The following BACE1 variants were observed in gnomAD, a reference collection of about 807,000 sequenced individuals.
BACE1 encodes the protein APP beta-secretase.
In BACE1, 21 loss-of-function variants were observed where a neutral mutation model predicts 54.0. The observed-to-expected ratio is 0.39, with a 90% CI of 0.28 to 0.56. The LOEUF is 0.56. BACE1 is among the 20% of genes least tolerant of loss of function. The pLI is 0.63. For missense variants in BACE1, 511 were observed against 661.2 expected (o/e 0.77, Z 2.49); for synonymous variants, 232 against 260.9 (o/e 0.89, Z 1.07).
chr11:117,315,675 GCCCCAGGGGGGCGCC>G lies in BACE1; in HGVS notation c.106_120del (p.Gly36_Gly40del), dbSNP rs1208183905. ...TCGTCGGTCTCCCGGGGCAGCCGCA[GCCCCAGGGGGGCGCC>G]CCCCAGGCCGCTGCGCAGGGGCAGC... On this transcript the variant is annotated inframe_deletion, in exon 1 of 9. Coordinates refer to ENST00000313005, the MANE Select transcript of BACE1 (RefSeq NM_012104.6). The surrounding 1 kb of genome is among the most constrained non-coding windows in gnomAD (Gnocchi z 5.5). 6.5e-7 allele frequency: 1 copy of G among 1,534,670 alleles called. No homozygotes were observed. The highest frequency in any genetic ancestry group is 8.7e-7 in the Non-Finnish European group (1 of 1,143,320).
chr11:117,305,961 A>G (rs772395788), intron 1 of BACE1, among the ~76,000 whole-genome samples: 2 of 152,166 alleles, frequency 1.3e-5, no homozygotes, highest in Non-Finnish European at 2.9e-5. Context: ...GCGTGAACCC[A>G]GGAGGCGGAG....
chr11:117,286,567 T>C lies in BACE1; in HGVS notation c.*2999A>G, dbSNP rs778925458. On this transcript the variant is annotated 3_prime_UTR_variant, in exon 9 of 9. Coordinates refer to ENST00000313005, the MANE Select transcript of BACE1 (RefSeq NM_012104.6). ...AATGCTTACAGGTACTAGCAGTACA[T>C]GTCGGATAGCAAAGACTTTTCCTTT... 5 of 152,686 alleles carry C rather than the reference T, an allele frequency of 3.3e-5. No homozygotes were observed. Among genetic ancestry groups the C allele is most frequent in the Non-Finnish European group, 7.3e-5 (5 of 68,056 alleles). The allele number at this position is 152,686 out of a possible 1,614,324, so 9.5% of individuals were successfully genotyped here.
intron 1 of BACE1, among the ~76,000 whole-genome samples, chr11:117,305,579 C>A (rs2034812366): frequency 6.6e-6 from 1 of 151,770 alleles, no homozygotes; most frequent in Non-Finnish European, 1.5e-5. Context: ...CGCCCCAAAC[C>A]TTATCTAGTA....
rs1565355989 is a variant in BACE1, at chr11:117,290,618, G to GTCT, written c.1131_1133dup (p.Gln377_Asp378insGlu). Reference sequence around the variant, plus strand: ...GTGAGATGGCAAACTTGTAACAGTCGTCTTGGGACGTGGCCACATCTTCCA... The same window carrying GTCT: ...GTGAGATGGCAAACTTGTAACAGTCGTCTTCTTGGGACGTGGCCACATCTTCCA... On this transcript the variant is annotated inframe_insertion, in exon 8 of 9. Coordinates refer to ENST00000313005, the MANE Select transcript of BACE1 (RefSeq NM_012104.6). 1 of 1,614,080 alleles carries GTCT rather than the reference G, an allele frequency of 6.2e-7. No homozygotes were observed. Among genetic ancestry groups the GTCT allele is most frequent in the Non-Finnish European group, 8.5e-7 (1 of 1,180,060 alleles).
At chr11:117,297,272 C>T (rs1419249011) in intron 1 of BACE1, 1 of 301,490 alleles carries the variant, frequency 3.3e-6, no homozygotes, top group African/African-American at 2.2e-5. Context: ...TATAGGAAGT[C>T]AAAGAGATAG....
chr11:117,312,884 C>G (rs958707774), intron 1 of BACE1, among the ~76,000 whole-genome samples: 3 of 152,166 alleles, frequency 2.0e-5, no homozygotes, highest in Admixed American at 6.6e-5. Context: ...GAGGGTTTGC[C>G]GACCTCGCTT....
At chr11:117,313,479 G>T (rs2035001424) in intron 1 of BACE1, among the ~76,000 whole-genome samples, 1 of 152,138 alleles carries the variant, frequency 6.6e-6, no homozygotes, top group Non-Finnish European at 1.5e-5. Context: ...TTGTTGCCCA[G>T]GCTGGAGGGC....
At chr11:117,310,052 G>A (rs2034912081) in intron 1 of BACE1, among the ~76,000 whole-genome samples, 2 of 152,030 alleles carry the variant, frequency 1.3e-5, no homozygotes, top group African/African-American at 2.4e-5. Context: ...GGGTTTACAG[G>A]CATGCAGCAC....
chr11:117,291,752 ACTTT>A lies in BACE1; in HGVS notation c.898_901del (p.Lys300CysfsTer24). ...GATGGATTTGACTGCAGCTTCAAAC[ACTTT>A]CTTGGGCAAACGAAGGTTGGTGGTG... On this transcript the variant is annotated frameshift_variant, in exon 6 of 9. Coordinates refer to ENST00000313005, the MANE Select transcript of BACE1 (RefSeq NM_012104.6). LOFTEE classifies it high-confidence loss of function. The A allele has an allele frequency of 6.2e-7, 1 of 1,613,710 alleles. No individual in the cohort carries two copies. Among genetic ancestry groups the A allele is most frequent in the Non-Finnish European group, 8.5e-7 (1 of 1,179,716 alleles).
chr11:117,291,729 T>C lies in BACE1; in HGVS notation c.925A>G (p.Ile309Val), dbSNP rs774018648. The C allele has an allele frequency of 1.9e-6, 3 of 1,613,110 alleles. No individual in the cohort carries two copies. In the Admixed American group the frequency reaches 5.0e-5, roughly 27 times the overall value. The change falls in exon 6 of 9, where the codon ATC becomes GTC. Residue 309 changes from isoleucine (I) to valine (V), a missense_variant. Physicochemically the swap from Ile to Val is conservative, Grantham distance 29. Coordinates refer to ENST00000313005, the MANE Select transcript of BACE1 (RefSeq NM_012104.6). ...CCACTCACGGAGGAGGCTGCCTTGA[T>C]GGATTTGACTGCAGCTTCAAACACT... is the stretch of plus-strand genomic sequence containing the variant. ...KKVFEAAVKSIKAASSTEKFP... is the reference protein window; with the variant it reads ...KKVFEAAVKSVKAASSTEKFP...
intron 1 of BACE1, among the ~76,000 whole-genome samples, chr11:117,301,606 CAA>C (rs1225592776): frequency 6.1e-5 from 8 of 130,412 alleles, no homozygotes; most frequent in Admixed American, 1.6e-4. Context: ...AAGACCGTCT[CAA>C]AAAAAAAAAA....
chr11:117,302,120 G>A (rs1441268901), intron 1 of BACE1, among the ~76,000 whole-genome samples: 2 of 151,622 alleles, frequency 1.3e-5, no homozygotes, highest in South Asian at 2.1e-4. Context: ...GATCACCTGA[G>A]GTCAGGAGTT....
Position 117,291,833 on chromosome 11 carries a change from G to T in BACE1, c.841-20C>A. On this transcript the variant is annotated intron_variant, in intron 5 of 8. Transcript: ENST00000313005. ...GTTGTACTAAGAGGGAAAAGAGAGA[G>T]TTAAAAGAGTCAAAAGGTTTTTGAT... 6.3e-7 allele frequency: 1 copy of T among 1,577,776 alleles called. No homozygotes were observed. The highest frequency in any genetic ancestry group is 1.7e-4 in the Middle Eastern group (1 of 5,982).
chr11:117,302,493 TC>T (rs2034746983), intron 1 of BACE1, among the ~76,000 whole-genome samples: 1 of 152,184 alleles, frequency 6.6e-6, no homozygotes, highest in African/African-American at 2.4e-5. Context: ...CATCCTCCTC[TC>T]CACTTGCAGG....
Position 117,293,311 on chromosome 11 carries a change from C to G in BACE1, c.706-123G>C. 3 of 971,262 alleles carry G rather than the reference C, an allele frequency of 3.1e-6. No homozygotes were observed. The highest frequency in any genetic ancestry group is 4.5e-6 in the Non-Finnish European group (3 of 665,640). 60.2% of individuals were successfully genotyped at this position (971,262 alleles called of 1,614,324 possible). ...AAGGTCTTCTACAGGCTACCCTTTT[C>G]ATCTTCCTGCTTCTAAACAAATCAT... On this transcript the variant is annotated intron_variant, in intron 4 of 8. Transcript: ENST00000313005. This position sits in a 1 kb window ranked among gnomAD's most constrained non-coding sequence, Gnocchi z 4.1.
At position 117,296,902 on chromosome 11, in the gene BACE1, G is replaced by T; in HGVS notation, c.321C>A (p.Pro107=). ...GCCTCTGGTAGTAGCGATGCAGGAAGGGGTGGGGGGCAGCACCCACTGCAA... is the reference window on the plus strand; with the variant it reads ...GCCTCTGGTAGTAGCGATGCAGGAATGGGTGGGGGGCAGCACCCACTGCAA... The part of the protein sequence containing the change: ...SNFAVGAAPH[P]FLHRYYQRQL... The change falls in exon 2 of 9, where the codon CCC becomes CCA. Residue 107 remains proline, a synonymous_variant. Coordinates refer to ENST00000313005, the MANE Select transcript of BACE1 (RefSeq NM_012104.6). The T allele has an allele frequency of 6.2e-7, 1 of 1,613,664 alleles. No homozygotes were observed. Among genetic ancestry groups the T allele is most frequent in the Non-Finnish European group, 8.5e-7 (1 of 1,179,818 alleles).
At chr11:117,308,662 C>T (rs2034883064) in intron 1 of BACE1, among the ~76,000 whole-genome samples, 1 of 152,024 alleles carries the variant, frequency 6.6e-6, no homozygotes, top group African/African-American at 2.4e-5. Flanking sequence ...CTATATTGTA[C>T]TTCCTGGCTG....
Position 117,295,329 on chromosome 11 carries a change from G to A in BACE1, c.369C>T (p.Asp123=). The change falls in exon 3 of 9, where the codon GAC becomes GAT. Residue 123 remains aspartate, a synonymous_variant. Transcript: ENST00000313005. ...AGGGCACATACACACCCTTCCGGAG[G>A]TCCCGGTATGTGCTGGACCTGTGGA... is the stretch of plus-strand genomic sequence containing the variant. The part of the protein sequence containing the change: ...YQRQLSSTYR[D]LRKGVYVPYT... The A allele has an allele frequency of 6.2e-7, 1 of 1,613,760 alleles. No homozygotes were observed. The highest frequency in any genetic ancestry group is 8.5e-7 in the Non-Finnish European group (1 of 1,179,668).
Position 117,302,823 on chromosome 11 carries a change from T to G in BACE1, c.262-5862A>C, listed in dbSNP as rs971223362. The stretch of plus-strand genomic sequence containing the variant: ...TCACTTGAACCCAGAAGGCGGAGGT[T>G]GCAGTGAGCTGAGATCGTGCCATTG... On this transcript the variant is annotated intron_variant, in intron 1 of 8. Coordinates refer to ENST00000313005, the MANE Select transcript of BACE1 (RefSeq NM_012104.6). 7.2e-5 allele frequency among the ~76,000 whole-genome samples: 11 copies of G among 152,296 alleles called. No homozygotes were observed. The East Asian group carries it at 2.1e-3, about 29-fold the overall frequency.
Sources: gnomAD v4.1 joint callset for allele counts (sites outside exome capture counted in the v4.1 genomes callset) on GRCh38, gnomAD v4.1.1 for gene constraint, Gnocchi (gnomAD v3.1) non-coding constraint, MANE v1.5 for transcripts, NCBI Gene and HGNC (gene_info 2026-07-23, HGNC 2026-07-21) for gene names.